The following MAP3K4 variants were observed in gnomAD, a reference collection of about 807,000 sequenced individuals.
MAP3K4 encodes MAP three kinase 1.
MAP3K4 carries 67 observed loss-of-function variants against 185.6 expected under a neutral mutation model. The observed-to-expected ratio is 0.36, with a 90% CI of 0.30 to 0.44. The LOEUF (loss-of-function observed/expected upper bound fraction) is 0.44, where lower values mean the gene tolerates loss of function less well. MAP3K4 is among the 20% of genes least tolerant of loss of function. MAP3K4 has a pLI of 1.00. For missense variants in MAP3K4, 1,551 were observed against 1,995.1 expected (o/e 0.78, Z 4.24); for synonymous variants, 702 against 710.4 (o/e 0.99, Z 0.19).
Position 161,110,701 on chromosome 6 carries a change from C to G in MAP3K4, c.4396+787C>G, listed in dbSNP as rs1440253683. ...GGAGGTTATTTTGGATTACACCAGT[C>G]TGCTTTGGTCTGGGTGTAAGCATTG... On this transcript the variant is annotated intron_variant, in intron 23 of 26. Coordinates refer to ENST00000392142, the MANE Select transcript of MAP3K4 (RefSeq NM_005922.4). This position sits in a 1 kb window ranked among gnomAD's most constrained non-coding sequence, Gnocchi z 4.8. Among the ~76,000 whole-genome samples, 1 of 152,180 alleles carries G rather than the reference C, an allele frequency of 6.6e-6. No individual in the cohort carries two copies. Among genetic ancestry groups the G allele is most frequent in the Admixed American group, 6.5e-5 (1 of 15,274 alleles).
At chr6:161,025,679 A>C (rs1329963717) in intron 1 of MAP3K4, among the ~76,000 whole-genome samples, 1 of 152,236 alleles carries the variant, frequency 6.6e-6, no homozygotes, top group Non-Finnish European at 1.5e-5. Flanking sequence ...TTTTTTCCAC[A>C]AGTAAATTTA....
intron 19 of MAP3K4, among the ~76,000 whole-genome samples, chr6:161,104,744 T>G (rs960109392): frequency 3.9e-5 from 6 of 152,046 alleles, no homozygotes; most frequent in African/African-American, 1.4e-4. Context: ...GAGAAATTTT[T>G]TTTTAAGCGT....
Position 161,098,036 on chromosome 6 carries a change from A to G in MAP3K4, c.3525-242A>G, listed in dbSNP as rs1007766181. Among the ~76,000 whole-genome samples the G allele has an allele frequency of 2.0e-5, 3 of 152,118 alleles. No homozygotes were observed. Among genetic ancestry groups the G allele is most frequent in the Non-Finnish European group, 2.9e-5 (2 of 68,006 alleles). The stretch of plus-strand genomic sequence containing the variant: ...CAGGAGGTCAAGGCTGCAGTGAGCT[A>G]TGATTGCGCCACTGCACTCCAGCCT... On this transcript the variant is annotated intron_variant, in intron 16 of 26. Coordinates refer to ENST00000392142, the MANE Select transcript of MAP3K4 (RefSeq NM_005922.4). The surrounding 1 kb of genome is among the most constrained non-coding windows in gnomAD (Gnocchi z 4.4).
intron 2 of MAP3K4, among the ~76,000 whole-genome samples, chr6:161,039,389 G>A (rs1204675120): frequency 1.3e-5 from 2 of 152,034 alleles, no homozygotes; most frequent in South Asian, 4.2e-4. Flanking sequence ...AGCAATACTG[G>A]CTTTTTAGCT....
chr6:160,993,127 C>T (rs912446613), intron 1 of MAP3K4, among the ~76,000 whole-genome samples: 15 of 152,176 alleles, frequency 9.9e-5, no homozygotes, highest in Admixed American at 9.2e-4. Context: ...TGTCATCATT[C>T]AGTTGGCCCA....
At chr6:161,045,784 C>T (rs1195555814) in intron 2 of MAP3K4, among the ~76,000 whole-genome samples, 1 of 152,118 alleles carries the variant, frequency 6.6e-6, no homozygotes, top group African/African-American at 2.4e-5. Flanking sequence ...CACATTAGTT[C>T]TATAAAGTAT....
At position 161,087,926 on chromosome 6, in the gene MAP3K4, A is replaced by G; in HGVS notation, c.2795A>G (p.Glu932Gly). The G allele has an allele frequency of 6.2e-7, 1 of 1,613,868 alleles. No homozygotes were observed. The highest frequency in any genetic ancestry group is 8.5e-7 in the Non-Finnish European group (1 of 1,179,936). Residue 932 changes from glutamate (E) to glycine (G), a missense_variant, in exon 10 of 27, where the codon GAG becomes GGG. By Grantham distance (98) the Glu-to-Gly change is moderately conservative. Coordinates refer to ENST00000392142, the MANE Select transcript of MAP3K4 (RefSeq NM_005922.4). The surrounding 1 kb of genome is among the most constrained non-coding windows in gnomAD (Gnocchi z 4.9). ...AQPVKVVPQV[E>G]TVDTLRSMQV... ...CCTGTCAAAGTCGTGCCTCAGGTGG[A>G]GACTGTTGACACCCTGAGAAGCATG...
At chr6:161,102,994 G>T (rs1326185651) in intron 19 of MAP3K4, among the ~76,000 whole-genome samples, 1 of 151,696 alleles carries the variant, frequency 6.6e-6, no homozygotes, top group African/African-American at 2.4e-5. Context: ...TGCTCCTTTG[G>T]GTCTATAATA....
chr6:161,002,216 G>A (rs1450903768), intron 1 of MAP3K4, among the ~76,000 whole-genome samples: 3 of 152,030 alleles, frequency 2.0e-5, no homozygotes. Context: ...TACTGATTGT[G>A]ATTGTTTAGG....
At chr6:160,994,094 C>T (rs753619923) in intron 1 of MAP3K4, among the ~76,000 whole-genome samples, 6 of 150,930 alleles carry the variant, frequency 4.0e-5, no homozygotes, top group Admixed American at 1.3e-4. Flanking sequence ...GCTCAGTGTA[C>T]GTGTTCAAAA....
intron 1 of MAP3K4, among the ~76,000 whole-genome samples, chr6:161,027,522 A>G (rs1371626157): frequency 2.0e-5 from 3 of 152,224 alleles, no homozygotes; most frequent in Non-Finnish European, 4.4e-5. Flanking sequence ...ATCGCTCTAC[A>G]AAAGTCTTTA....
chr6:161,069,254 C>T (rs895839960), intron 3 of MAP3K4, among the ~76,000 whole-genome samples: 12 of 152,094 alleles, frequency 7.9e-5, no homozygotes, highest in Non-Finnish European at 1.5e-4. Flanking sequence ...TAAGCCACAC[C>T]GTCTCTATCA....
chr6:161,112,573 T>C lies in MAP3K4; in HGVS notation c.4520-95T>C. On this transcript the variant is annotated intron_variant, in intron 24 of 26. Coordinates refer to ENST00000392142, the MANE Select transcript of MAP3K4 (RefSeq NM_005922.4). The surrounding 1 kb of genome is among the most constrained non-coding windows in gnomAD (Gnocchi z 5.1). ...TTTCCCATTACCTAATGCAGGAAGA[T>C]AATATTGTACAATATTAATTTATTG... is the stretch of plus-strand genomic sequence containing the variant. 1.3e-6 allele frequency: 1 copy of C among 767,780 alleles called. No homozygotes were observed. Among genetic ancestry groups the C allele is most frequent in the Non-Finnish European group, 1.9e-6 (1 of 523,230 alleles). 47.6% of individuals were successfully genotyped at this position (767,780 alleles called of 1,614,324 possible).
rs1785132859 is a variant in MAP3K4, at chr6:161,075,542, A to G, written c.2097+1930A>G. 1.3e-5 allele frequency among the ~76,000 whole-genome samples: 2 copies of G among 152,216 alleles called. No homozygotes were observed. The highest frequency in any genetic ancestry group is 2.9e-5 in the Non-Finnish European group (2 of 68,034). ...AGCAAATTATTATTTTTCTCTCTTTATGGGTAACTAAACCAGAAGTTTAAG... is the reference window on the plus strand; with the variant it reads ...AGCAAATTATTATTTTTCTCTCTTTGTGGGTAACTAAACCAGAAGTTTAAG... On this transcript the variant is annotated intron_variant, in intron 5 of 26. Coordinates refer to ENST00000392142, the MANE Select transcript of MAP3K4 (RefSeq NM_005922.4). The surrounding 1 kb of genome is among the most constrained non-coding windows in gnomAD (Gnocchi z 4.3).
Position 161,116,958 on chromosome 6 carries a change from G to A in MAP3K4, c.*88G>A. ...AAGACTGTGCTGAGAAGCAGTATAA[G>A]CCTTTTTAACCTTCCAAGACTGAAG... On this transcript the variant is annotated 3_prime_UTR_variant, in exon 27 of 27. Coordinates refer to ENST00000392142, the MANE Select transcript of MAP3K4 (RefSeq NM_005922.4). The surrounding 1 kb of genome is among the most constrained non-coding windows in gnomAD (Gnocchi z 6.2). 1.5e-6 allele frequency: 2 copies of A among 1,304,452 alleles called. No individual in the cohort carries two copies. Among genetic ancestry groups the A allele is most frequent in the Admixed American group, 1.7e-5 (1 of 58,242 alleles). The allele number at this position is 1,304,452 out of a possible 1,614,324, so 80.8% of individuals were successfully genotyped here. A position where few individuals can be genotyped will look rare whatever the true frequency, so the allele number is the denominator to read the frequency against.
intron 1 of MAP3K4, among the ~76,000 whole-genome samples, chr6:161,006,851 A>T (rs532437199): frequency 1.3e-5 from 2 of 152,298 alleles, no homozygotes; most frequent in South Asian, 4.1e-4. Flanking sequence ...CAGTCCCGAG[A>T]TCTGCTTCTT....
chr6:161,057,799 G>C (rs1209921853), intron 3 of MAP3K4, among the ~76,000 whole-genome samples: 1 of 152,172 alleles, frequency 6.6e-6, no homozygotes, highest in Non-Finnish European at 1.5e-5. Flanking sequence ...CTTTGTAATT[G>C]AATGACACAC....
chr6:161,080,855 T>G lies in MAP3K4; in HGVS notation c.2098-26T>G. 1 of 1,609,884 alleles carries G rather than the reference T, an allele frequency of 6.2e-7. No individual in the cohort carries two copies. The highest frequency in any genetic ancestry group is 8.5e-7 in the Non-Finnish European group (1 of 1,177,396). ...AGTTGCCAAGTTCTACTTTCAAATG[T>G]CTCCCTTTACTTTTTGTGTTTTAAG... On this transcript the variant is annotated intron_variant, in intron 5 of 26. Transcript: ENST00000392142. This position sits in a 1 kb window ranked among gnomAD's most constrained non-coding sequence, Gnocchi z 4.8.
rs1181506338 is a variant in MAP3K4 at position 161,053,805 on chromosome 6, G to A, written c.1707+3826G>A. On this transcript the variant is annotated intron_variant, in intron 3 of 26. Coordinates refer to ENST00000392142, the MANE Select transcript of MAP3K4 (RefSeq NM_005922.4). The surrounding 1 kb of genome is among the most constrained non-coding windows in gnomAD (Gnocchi z 4.2). ...ACGGGGGTTTCACCATGTTGGCCAGGCTAGTCTTGAACTCCTGACCCCAAA... is the reference window on the plus strand; with the variant it reads ...ACGGGGGTTTCACCATGTTGGCCAGACTAGTCTTGAACTCCTGACCCCAAA... 6.6e-6 allele frequency among the ~76,000 whole-genome samples: 1 copy of A among 152,050 alleles called. No individual in the cohort carries two copies. The highest frequency in any genetic ancestry group is 2.4e-5 in the African/African-American group (1 of 41,394).
Sources: allele counts gnomAD v4.1 joint callset (sites outside exome capture counted in the v4.1 genomes callset), GRCh38; gene constraint gnomAD v4.1.1; non-coding constraint Gnocchi (gnomAD v3.1); transcripts MANE v1.5; gene names NCBI Gene and HGNC (gene_info 2026-07-23, HGNC 2026-07-21).